Variants in SEC14L1 observed in about 807,000 individuals in gnomAD.
The protein encoded by SEC14L1 is SEC14-like protein 1.
In SEC14L1, 48 loss-of-function variants were observed where a neutral mutation model predicts 85.3. That is an observed-to-expected ratio of 0.56 (90% CI 0.45 to 0.72). The LOEUF (loss-of-function observed/expected upper bound fraction) is 0.72. SEC14L1 is among the 30% of genes least tolerant of loss of function. The pLI, the probability that SEC14L1 is intolerant of heterozygous loss-of-function variation, is 0.00. For missense variants in SEC14L1, 682 were observed against 921.4 expected, an observed-to-expected ratio of 0.74 and a Z score of 3.36; for synonymous variants, 391 against 355.5, an observed-to-expected ratio of 1.10 and a Z score of -1.12.
intron 3 of SEC14L1, among the ~76,000 whole-genome samples, chr17:77,151,889 T>C (rs544454629): frequency 6.6e-6 from 1 of 152,370 alleles, no homozygotes; most frequent in African/African-American, 2.4e-5. Flanking sequence ...ACCCACTTTT[T>C]TCTTTCCTGG....
chr17:77,143,274 A>G (rs1380758884), intron 2 of SEC14L1, among the ~76,000 whole-genome samples: 1 of 152,246 alleles, frequency 6.6e-6, no homozygotes, highest in Non-Finnish European at 1.5e-5. Flanking sequence ...GACTCAGGTC[A>G]GGTCATGTAA....
At chr17:77,142,920 T>TA (rs1417557856) in intron 2 of SEC14L1, among the ~76,000 whole-genome samples, 170 bp downstream of exon 2, 9 of 152,258 alleles carry the variant, frequency 5.9e-5, no homozygotes, top group Non-Finnish European at 1.5e-5. Context: ...ACCGATTACT[T>TA]ACGGATATTA....
intron 3 of SEC14L1, chr17:77,094,658 G>T (rs943544793): frequency 3.9e-5 from 6 of 151,910 alleles, no homozygotes; most frequent in African/African-American, 7.2e-5. Context: ...GTAGAGACAG[G>T]GTTTCACATG....
intron 3 of SEC14L1, among the ~76,000 whole-genome samples, chr17:77,135,360 G>A (rs560339928): frequency 9.2e-5 from 14 of 152,208 alleles, no homozygotes; most frequent in Non-Finnish European, 1.8e-4. Flanking sequence ...CTAGTCAACT[G>A]TTTCTGTTCT....
intron 3 of SEC14L1, among the ~76,000 whole-genome samples, chr17:77,148,918 T>G (rs1051206615): frequency 2.0e-5 from 3 of 152,272 alleles, no homozygotes; most frequent in Non-Finnish European, 2.9e-5. Flanking sequence ...TTCATAATTA[T>G]GCACACTTCC....
chr17:77,180,956 G>GT (rs1183775088), intron 3 of SEC14L1: 3 of 152,148 alleles, frequency 2.0e-5, no homozygotes, highest in Non-Finnish European at 4.4e-5. Flanking sequence ...ACGAGGTGGG[G>GT]TACAGGAGCC....
At chr17:77,155,499 C>T (rs565599976) in intron 3 of SEC14L1, among the ~76,000 whole-genome samples, 2 of 152,166 alleles carry the variant, frequency 1.3e-5, no homozygotes, top group South Asian at 4.1e-4. Flanking sequence ...CTTGCTGGTG[C>T]CCAGATGGGA....
In SEC14L1 at chr17:77,179,824, G is replaced by A. The variant is rs1045914112; in HGVS notation, c.64-10979G>A. On this transcript the variant is annotated intron_variant, in intron 3 of 16. Transcript: ENST00000436233. ...CGAGTAGCTGGGACTACAGGCGCCCGCCACCACGCCCGGCTAATTTTTTTT... is the reference window on the plus strand; with the variant it reads ...CGAGTAGCTGGGACTACAGGCGCCCACCACCACGCCCGGCTAATTTTTTTT... Among the ~76,000 whole-genome samples, 7 of 151,694 alleles carry A rather than the reference G, an allele frequency of 4.6e-5. No individual in the cohort carries two copies. The East Asian group carries it at 5.8e-4, about 13-fold the overall frequency.
chr17:77,099,094 G>A (rs1971709730), intron 3 of SEC14L1: 1 of 152,048 alleles, frequency 6.6e-6, no homozygotes, highest in Non-Finnish European at 1.5e-5. Context: ...GTAAGTCACT[G>A]GAAGGTCACA....
At chr17:77,205,988 C>T (rs1052357011) in intron 11 of SEC14L1, among the ~76,000 whole-genome samples, 1 of 152,144 alleles carries the variant, frequency 6.6e-6, no homozygotes, top group Non-Finnish European at 1.5e-5. Context: ...GAGAGCTTTT[C>T]GTGCATTATC....
chr17:77,149,411 G>T (rs1044549798), intron 3 of SEC14L1, among the ~76,000 whole-genome samples: 7 of 152,192 alleles, frequency 4.6e-5, no homozygotes, highest in African/African-American at 1.2e-4. Context: ...TATCTCCAGG[G>T]CATGATGGCG....
At chr17:77,121,636 C>T (rs1418065546) in intron 3 of SEC14L1, among the ~76,000 whole-genome samples, 3 of 152,206 alleles carry the variant, frequency 2.0e-5, no homozygotes, top group Non-Finnish European at 2.9e-5. Flanking sequence ...GGATTACAGG[C>T]GTGAGCCACC....
intron 3 of SEC14L1, among the ~76,000 whole-genome samples, chr17:77,172,775 C>T (rs1278562400): frequency 6.6e-6 from 1 of 152,148 alleles, no homozygotes; most frequent in African/African-American, 2.4e-5. Context: ...TTCATCCTTC[C>T]CTTGTTGTAT....
At chr17:77,194,231 T>G (rs889320212) in intron 6 of SEC14L1, among the ~76,000 whole-genome samples, 2 of 152,158 alleles carry the variant, frequency 1.3e-5, no homozygotes, top group Non-Finnish European at 2.9e-5. Context: ...CTATTAATTT[T>G]GTAGCAATTC....
In SEC14L1 at chr17:77,123,877, A is replaced by C. The variant is rs73998618; in HGVS notation, c.-135-18769A>C. ...AGATGTAGCGAAACGGATGCCATGT[A>C]GACGGTCTGTGTGTCCTCTATGGCA... On this transcript the variant is annotated intron_variant, in intron 3 of 19. Transcript: ENST00000392476. 3.8e-3 allele frequency among the ~76,000 whole-genome samples: 584 copies of C among 152,344 alleles called. 4 individuals are homozygous for C. Among genetic ancestry groups the C allele is most frequent in the African/African-American group, 0.014 (568 of 41,582 alleles).
intron 14 of SEC14L1, 21 bp downstream of exon 14, chr17:77,209,497 C>T (rs1296538920): frequency 3.1e-6 from 5 of 1,611,360 alleles, no homozygotes; most frequent in Non-Finnish European, 3.4e-6. Flanking sequence ...CGCCTTCCTG[C>T]ACCTGGGCCG....
chr17:77,099,960 TA>T (rs1971728980), intron 3 of SEC14L1, among the ~76,000 whole-genome samples: 1 of 152,206 alleles, frequency 6.6e-6, no homozygotes, highest in African/African-American at 2.4e-5. Flanking sequence ...TCTTTTTGTT[TA>T]AAAAAATTTT....
chr17:77,132,824 A>G (rs1211286315), intron 3 of SEC14L1, among the ~76,000 whole-genome samples: 1 of 145,424 alleles, frequency 6.9e-6, no homozygotes, highest in Non-Finnish European at 1.5e-5. Context: ...TTGGAGTGAC[A>G]CTCCCCTAAA....
intron 9 of SEC14L1, among the ~76,000 whole-genome samples, chr17:77,202,951 A>C (rs1267552386): frequency 2.0e-5 from 3 of 149,302 alleles, no homozygotes; most frequent in South Asian, 2.1e-4. Context: ...AAAAAAAAAA[A>C]ACAGAGTAGA....
Sources: gnomAD v4.1 joint callset for allele counts (sites outside exome capture counted in the v4.1 genomes callset) on GRCh38, gnomAD v4.1.1 for gene constraint, MANE v1.5 for transcripts, NCBI Gene and HGNC (gene_info 2026-07-23, HGNC 2026-07-21) for gene names.